Variants in ABTB2 observed in about 807,000 individuals in gnomAD.
ABTB2 encodes ankyrin repeat and BTB domain containing 2.
ABTB2 carries 56 observed loss-of-function variants against 104.1 expected under a neutral mutation model. The ratio of observed to expected loss-of-function variants is 0.54; its 90% confidence interval spans 0.43 to 0.67. The LOEUF (loss-of-function observed/expected upper bound fraction) is 0.67. Among genes scored for constraint, ABTB2 ranks in the 30% least tolerant of loss-of-function variants. ABTB2 has a pLI of 0.00. For missense variants in ABTB2, 1,279 were observed against 1,407.7 expected (o/e 0.91, Z 1.46); for synonymous variants, 606 against 608.2 (o/e 1.00, Z 0.05).
intron 4 of ABTB2, among the ~76,000 whole-genome samples, chr11:34,172,321 G>A (rs1158907591): frequency 7.5e-6 from 1 of 132,468 alleles, no homozygotes; most frequent in African/African-American, 2.9e-5. Context: ...TCAGAGAGCC[G>A]AGATCACACC....
intron 1 of ABTB2, among the ~76,000 whole-genome samples, chr11:34,262,828 C>A (rs754819529): frequency 6.6e-6 from 1 of 152,190 alleles, no homozygotes; most frequent in Non-Finnish European, 1.5e-5. Context: ...TTGTCACCTG[C>A]AAACCCTCAG....
chr11:34,317,749 A>C (rs529634925), intron 1 of ABTB2, among the ~76,000 whole-genome samples: 2 of 139,604 alleles, frequency 1.4e-5, no homozygotes, highest in South Asian at 5.1e-4. Context: ...GCAACAGAGC[A>C]AAATCCTGTC....
Position 34,211,688 on chromosome 11 carries a change from A to G in ABTB2, c.884-6998T>C, listed in dbSNP as rs548330432. 9.6e-3 allele frequency among the ~76,000 whole-genome samples: 1,461 copies of G among 152,060 alleles called. 15 individuals carry two copies. The highest frequency in any genetic ancestry group is 0.015 in the Non-Finnish European group (1,021 of 67,994). Reference sequence around the variant, plus strand: ...GCAGGAGGATCACTTGAGATCAGGCATTCGAGACCAGCCTGTCCAACATGG... The same window carrying G: ...GCAGGAGGATCACTTGAGATCAGGCGTTCGAGACCAGCCTGTCCAACATGG... On this transcript the variant is annotated intron_variant, in intron 1 of 16. Coordinates refer to ENST00000435224, the MANE Select transcript of ABTB2 (RefSeq NM_145804.3).
At chr11:34,195,080 G>GGT (rs1554982328) in intron 3 of ABTB2, among the ~76,000 whole-genome samples, 3 of 101,100 alleles carry the variant, frequency 3.0e-5, no homozygotes, top group Admixed American at 2.6e-4. Context: ...CCCGGCGGGG[G>GGT]GGGGGAGTGG....
At chr11:34,259,133 G>T (rs1433555627) in intron 1 of ABTB2, among the ~76,000 whole-genome samples, 8 of 152,276 alleles carry the variant, frequency 5.3e-5, no homozygotes, top group Non-Finnish European at 1.0e-4. Flanking sequence ...TGTTCTTGGG[G>T]TCAGGCTTGT....
intron 1 of ABTB2, among the ~76,000 whole-genome samples, chr11:34,341,906 C>T (rs1270620523): frequency 6.6e-6 from 1 of 152,192 alleles, no homozygotes; most frequent in African/African-American, 2.4e-5. Flanking sequence ...CCATTTTCCT[C>T]CCTTTAAGGA....
intron 1 of ABTB2, among the ~76,000 whole-genome samples, chr11:34,306,833 G>T (rs1564928791): frequency 1.3e-5 from 2 of 151,954 alleles, no homozygotes; most frequent in African/African-American, 2.4e-5. Flanking sequence ...ATTCTTCAAA[G>T]AAGTTATTTG....
At chr11:34,322,114 C>T (rs1198269577) in intron 1 of ABTB2, among the ~76,000 whole-genome samples, 1 of 152,204 alleles carries the variant, frequency 6.6e-6, no homozygotes, top group Non-Finnish European at 1.5e-5. Flanking sequence ...ATCTAAGCTA[C>T]ATATCTGGCC....
intron 1 of ABTB2, among the ~76,000 whole-genome samples, chr11:34,286,900 C>A (rs955086603): frequency 6.6e-6 from 1 of 152,180 alleles, no homozygotes; most frequent in African/African-American, 2.4e-5. Flanking sequence ...CAAGACAGAA[C>A]TACCACCATG....
intron 1 of ABTB2, among the ~76,000 whole-genome samples, chr11:34,338,581 C>A (rs1413490554): frequency 6.6e-6 from 1 of 151,734 alleles, no homozygotes; most frequent in Non-Finnish European, 1.5e-5. Flanking sequence ...TGGGGTGCAC[C>A]TGCAGTCCCA....
chr11:34,297,792 A>ACC (rs1302494241), intron 1 of ABTB2, among the ~76,000 whole-genome samples: 7,716 of 73,182 alleles, frequency 0.11, 406 homozygotes, highest in Non-Finnish European at 0.14. Flanking sequence ...AAATAAAAAT[A>ACC]AAGGAAAGAA....
chr11:34,312,277 T>C (rs1267472), intron 1 of ABTB2, among the ~76,000 whole-genome samples: 20,710 of 152,194 alleles, frequency 0.14, 1,816 homozygotes, highest in Admixed American at 0.24. Context: ...AATTAAACAC[T>C]GGAATCCCAG....
chr11:34,273,568 C>T (rs1208761221), intron 1 of ABTB2, among the ~76,000 whole-genome samples: 1 of 152,168 alleles, frequency 6.6e-6, no homozygotes, highest in African/African-American at 2.4e-5. Context: ...TGAACTGTGG[C>T]CCCTTGATGG....
intron 1 of ABTB2, among the ~76,000 whole-genome samples, chr11:34,276,386 G>T (rs1242980025): frequency 6.6e-6 from 1 of 152,102 alleles, no homozygotes; most frequent in Non-Finnish European, 1.5e-5. Context: ...ACCAATACTG[G>T]TACTTACTTG....
chr11:34,238,262 G>A (rs981149809), intron 1 of ABTB2, among the ~76,000 whole-genome samples: 6 of 152,014 alleles, frequency 3.9e-5, no homozygotes, highest in African/African-American at 1.2e-4. Flanking sequence ...GGTCCCTCAC[G>A]ACCTTCAGGG....
At chr11:34,223,569 C>T (rs1853652338) in intron 1 of ABTB2, among the ~76,000 whole-genome samples, 1 of 152,246 alleles carries the variant, frequency 6.6e-6, no homozygotes, top group East Asian at 1.9e-4. Flanking sequence ...GGTGTTGCTC[C>T]TGCCTGGGTG....
chr11:34,210,021 A>G (rs180734651), intron 1 of ABTB2, among the ~76,000 whole-genome samples: 2,709 of 152,118 alleles, frequency 0.018, 44 homozygotes, highest in Non-Finnish European at 0.029. Context: ...GAAGACTGGG[A>G]AGCCGCCTTC....
chr11:34,327,420 C>T (rs921753705), intron 1 of ABTB2, among the ~76,000 whole-genome samples: 1 of 152,156 alleles, frequency 6.6e-6, no homozygotes, highest in Non-Finnish European at 1.5e-5. Flanking sequence ...TAGGAATCCA[C>T]CCCCCTAGCC....
At chr11:34,238,207 T>C (rs1853869794) in intron 1 of ABTB2, among the ~76,000 whole-genome samples, 1 of 152,220 alleles carries the variant, frequency 6.6e-6, no homozygotes, top group Non-Finnish European at 1.5e-5. Flanking sequence ...GAACTTACTG[T>C]TCCTTTTCCT....
Sources: allele counts gnomAD v4.1 joint callset (sites outside exome capture counted in the v4.1 genomes callset), GRCh38; gene constraint gnomAD v4.1.1; transcripts MANE v1.5; gene names NCBI Gene and HGNC (gene_info 2026-07-23, HGNC 2026-07-21).